The following SAP30L variants were observed in gnomAD, a reference collection of about 807,000 sequenced individuals.
SAP30L encodes histone deacetylase complex subunit SAP30L.
In SAP30L, 10 loss-of-function variants were observed where a neutral mutation model predicts 22.3. The observed-to-expected ratio is 0.45, with a 90% confidence interval of 0.28 to 0.76. SAP30L has a LOEUF of 0.76. Among genes scored for constraint, SAP30L ranks in the 30% least tolerant of loss-of-function variants. The pLI is 0.14. For synonymous variants in SAP30L, 91 were observed against 94.1 expected, an observed-to-expected ratio of 0.97 and a Z score of 0.19; for missense variants, 206 against 237.9, an observed-to-expected ratio of 0.87 and a Z score of 0.88.
intron 3 of SAP30L, among the ~76,000 whole-genome samples, chr5:154,454,469 A>G (rs1757222313): frequency 2.0e-5 from 3 of 152,178 alleles, no homozygotes; most frequent in Non-Finnish European, 4.4e-5. Flanking sequence ...ATATAATTCT[A>G]TCATCCAGAG....
In SAP30L at chr5:154,451,075, T is replaced by A; in HGVS notation, c.202-16T>A. 1 of 1,613,844 alleles carries A rather than the reference T, an allele frequency of 6.2e-7. No homozygotes were observed. Among genetic ancestry groups the A allele is most frequent in the Non-Finnish European group, 8.5e-7 (1 of 1,179,886 alleles). ...AGGAATTGGCCAACTCTGACTTTGA[T>A]TTTTGTCTCCATCAGGTAAGGCACC... is the stretch of plus-strand genomic sequence containing the variant. On this transcript the variant is annotated splice_polypyrimidine_tract_variant and intron_variant, in intron 1 of 3. Coordinates refer to ENST00000297109, the MANE Select transcript of SAP30L (RefSeq NM_024632.6).
Position 154,455,989 on chromosome 5 carries a change from A to G in SAP30L, c.513A>G (p.Arg171=). ...FIYMVKSNKS[R]LDQKSEGGKQ... is the part of the protein sequence containing the mutation. ...ACATGGTGAAGAGTAACAAGAGTAG[A>G]CTGGACCAGAAATCGGAGGGTGGCA... is the stretch of plus-strand genomic sequence containing the variant. Residue 171 remains arginine, a synonymous_variant, in exon 4 of 4, where the codon AGA becomes AGG. Transcript: ENST00000297109. The G allele has an allele frequency of 1.9e-6, 3 of 1,614,062 alleles. No individual in the cohort carries two copies. The highest frequency in any genetic ancestry group is 2.5e-6 in the Non-Finnish European group (3 of 1,179,996).
intron 1 of SAP30L, among the ~76,000 whole-genome samples, chr5:154,447,773 C>G (rs1042367704): frequency 6.6e-6 from 1 of 152,056 alleles, no homozygotes; most frequent in African/African-American, 2.4e-5. Context: ...TGCACGTTTC[C>G]CCTCTGATTT....
At chr5:154,452,444 T>G (rs1757163935) in intron 2 of SAP30L, 5 of 984,574 alleles carry the variant, frequency 5.1e-6, no homozygotes, top group Non-Finnish European at 6.0e-6. Flanking sequence ...GATCATTCAT[T>G]TTGTTTTTAA....
chr5:154,459,323 T>TA lies in SAP30L; in HGVS notation c.*3298dup, dbSNP rs1344647985. ...ACCAAGGGGTTGAGCAGTCTGGACT[T>TA]AAACACCTCCGAGGACAGAGAACCC... On this transcript the variant is annotated 3_prime_UTR_variant, in exon 4 of 4. Coordinates refer to ENST00000297109, the MANE Select transcript of SAP30L (RefSeq NM_024632.6). 6.6e-6 allele frequency: 1 copy of TA among 152,268 alleles called. No individual in the cohort carries two copies. The highest frequency in any genetic ancestry group is 1.5e-5 in the Non-Finnish European group (1 of 68,058). The allele number at this position is 152,268 out of a possible 1,614,324, so 9.4% of individuals were successfully genotyped here.
In SAP30L at chr5:154,446,461, CGCGGGGCAGG is replaced by C; in HGVS notation, c.-141_-132del. 1 of 608,798 alleles carries C rather than the reference CGCGGGGCAGG, an allele frequency of 1.6e-6. No homozygotes were observed. Among genetic ancestry groups the C allele is most frequent in the East Asian group, 3.5e-5 (1 of 28,374 alleles). 37.7% of individuals were successfully genotyped at this position (608,798 alleles called of 1,614,324 possible). A position where few individuals can be genotyped will look rare whatever the true frequency, so the allele number is the denominator to read the frequency against. On this transcript the variant is annotated 5_prime_UTR_variant, in exon 1 of 4. Coordinates refer to ENST00000297109, the MANE Select transcript of SAP30L (RefSeq NM_024632.6). ...GGCCGAGGGAGCCGGGCCTCTCGGA[CGCGGGGCAGG>C]GCAGCGCCCGGGCTGGAGACGGACT... is the stretch of plus-strand genomic sequence containing the variant.
intron 1 of SAP30L, among the ~76,000 whole-genome samples, chr5:154,450,151 A>T (rs1342396424): frequency 6.6e-6 from 1 of 152,178 alleles, no homozygotes; most frequent in African/African-American, 2.4e-5. Flanking sequence ...AGTTTCTGTA[A>T]AGTTTTTCAG....
chr5:154,455,013 G>A (rs181132450), intron 3 of SAP30L, among the ~76,000 whole-genome samples: 9 of 151,864 alleles, frequency 5.9e-5, no homozygotes, highest in Non-Finnish European at 8.8e-5. Context: ...TCCACCTCCC[G>A]GGTTCAAGTG....
In SAP30L at chr5:154,457,231, A is replaced by G. The variant is rs1037010686; in HGVS notation, c.*1203A>G. On this transcript the variant is annotated 3_prime_UTR_variant, in exon 4 of 4. Transcript: ENST00000297109. ...CCTCAATCTAATTATATCAGAGCCA[A>G]AGTATCCTGTGAAAACAAAGCTTTA... 2 of 152,242 alleles carry G rather than the reference A, an allele frequency of 1.3e-5. No homozygotes were observed. Among genetic ancestry groups the G allele is most frequent in the East Asian group, 1.9e-4 (1 of 5,202 alleles). 9.4% of individuals were successfully genotyped at this position (152,242 alleles called of 1,614,324 possible). A position where few individuals can be genotyped will look rare whatever the true frequency, so the allele number is the denominator to read the frequency against.
At chr5:154,455,761 C>A in intron 3 of SAP30L, 139 bp from the exon 4 acceptor site, 1 of 1,100,270 alleles carries the variant, frequency 9.1e-7, no homozygotes, top group Non-Finnish European at 1.3e-6. Context: ...CTGAGTTCCG[C>A]ACATGGCAGG....
intron 3 of SAP30L, among the ~76,000 whole-genome samples, chr5:154,455,594 C>T (rs922947245): frequency 3.9e-5 from 6 of 152,342 alleles, no homozygotes; most frequent in African/African-American, 1.4e-4. Context: ...GTCCCAGTCT[C>T]TCCTCCATGA....
chr5:154,448,045 G>A (rs1757062541), intron 1 of SAP30L, among the ~76,000 whole-genome samples: 1 of 128,188 alleles, frequency 7.8e-6, no homozygotes, highest in Non-Finnish European at 1.5e-5. Flanking sequence ...GCAAGATCTC[G>A]ACTCACTGCA....
Position 154,446,661 on chromosome 5 carries a change from T to G in SAP30L, c.57T>G (p.Ala19=). The G allele has an allele frequency of 1.3e-6, 2 of 1,546,794 alleles. No individual in the cohort carries two copies. The highest frequency in any genetic ancestry group is 1.2e-5 in the South Asian group (1 of 84,484). ...DSREGPPAAP[A]AAAPGYGQSC... ...GCGAAGGGCCCCCCGCCGCCCCAGC[T>G]GCCGCCGCCCCGGGCTACGGCCAGA... Residue 19 remains alanine, a synonymous_variant, in exon 1 of 4, where the codon GCT becomes GCG. Transcript: ENST00000297109.
intron 3 of SAP30L, among the ~76,000 whole-genome samples, chr5:154,455,010 C>T (rs1456187403): frequency 1.3e-5 from 2 of 152,030 alleles, no homozygotes; most frequent in Admixed American, 6.6e-5. Context: ...GCCTCCACCT[C>T]CCGGGTTCAA....
chr5:154,446,468 C>T lies in SAP30L; in HGVS notation c.-137C>T. 1.5e-6 allele frequency: 1 copy of T among 678,768 alleles called. No individual in the cohort carries two copies. The highest frequency in any genetic ancestry group is 2.2e-6 in the Non-Finnish European group (1 of 458,348). 42.0% of individuals were successfully genotyped at this position (678,768 alleles called of 1,614,324 possible). A position where few individuals can be genotyped will look rare whatever the true frequency, so the allele number is the denominator to read the frequency against. On this transcript the variant is annotated 5_prime_UTR_variant, in exon 1 of 4. Transcript: ENST00000297109. The stretch of plus-strand genomic sequence containing the variant: ...GGAGCCGGGCCTCTCGGACGCGGGG[C>T]AGGGCAGCGCCCGGGCTGGAGACGG...
rs756614411 is a variant in SAP30L at position 154,456,072 on chromosome 5, A to C, written c.*44A>C. On this transcript the variant is annotated 3_prime_UTR_variant, in exon 4 of 4. Transcript: ENST00000297109. Reference sequence around the variant, plus strand: ...AGGAATGAAGTGTAATGCTTGATGCACAGGTGATATCTACTACATTTAAGC... The same window carrying C: ...AGGAATGAAGTGTAATGCTTGATGCCCAGGTGATATCTACTACATTTAAGC... 1 of 1,595,010 alleles carries C rather than the reference A, an allele frequency of 6.3e-7. No individual in the cohort carries two copies. The highest frequency in any genetic ancestry group is 8.5e-7 in the Non-Finnish European group (1 of 1,170,440).
chr5:154,453,438 C>T lies in SAP30L; in HGVS notation c.361C>T (p.Arg121Cys). 7.4e-6 allele frequency: 12 copies of T among 1,614,018 alleles called. No individual in the cohort carries two copies. Among genetic ancestry groups the T allele is most frequent in the Non-Finnish European group, 9.3e-6 (11 of 1,179,902 alleles). The stretch of plus-strand genomic sequence containing the variant: ...CCAGCTGCAGGTGAACACCCTACGA[C>T]GTTATAAACGACACTACAAGTTGCA... ...LFQLQVNTLRRYKRHYKLQTR... is the reference protein window; with the variant it reads ...LFQLQVNTLRCYKRHYKLQTR... Residue 121 changes from arginine (R) to cysteine (C), a missense_variant, in exon 3 of 4, where the codon CGT (arginine) becomes TGT (cysteine). Coordinates refer to ENST00000297109, the MANE Select transcript of SAP30L (RefSeq NM_024632.6).
At chr5:154,448,321 TAATC>T (rs1757069274) in intron 1 of SAP30L, among the ~76,000 whole-genome samples, 1 of 152,198 alleles carries the variant, frequency 6.6e-6, no homozygotes, top group Admixed American at 6.5e-5. Flanking sequence ...ATTTTTAAGT[TAATC>T]ATTATAATAC....
rs1432126841 is a variant in SAP30L, at chr5:154,460,053, ATTCT to A, written c.*4034_*4037del. On this transcript the variant is annotated 3_prime_UTR_variant, in exon 4 of 4. Transcript: ENST00000297109. ...CTCTGGCCCTCTTGACCTGTCTAGCATTCTTTCTTTCTGACCTATAGGATGACTC... is the reference window on the plus strand; with the variant it reads ...CTCTGGCCCTCTTGACCTGTCTAGCATTCTTTCTGACCTATAGGATGACTC... The A allele has an allele frequency of 3.3e-5, 5 of 152,216 alleles. No homozygotes were observed. Among genetic ancestry groups the A allele is most frequent in the Non-Finnish European group, 7.3e-5 (5 of 68,046 alleles). The allele number at this position is 152,216 out of a possible 1,614,324, so 9.4% of individuals were successfully genotyped here.
Sources: gnomAD v4.1 joint callset for allele counts (sites outside exome capture counted in the v4.1 genomes callset) on GRCh38, gnomAD v4.1.1 for gene constraint, MANE v1.5 for transcripts, NCBI Gene and HGNC (gene_info 2026-07-23, HGNC 2026-07-21) for gene names.